HAPSTR1: variants seen among roughly 807,000 people sequenced by gnomAD.
HAPSTR1 encodes HUWE1 associated protein modifying stress responses.
chr16:9,092,015 T>TGGC, the HAPSTR1 span: 1 of 1,475,162 alleles, frequency 6.8e-7, no homozygotes, highest in Non-Finnish European at 9.0e-7. Context: ...GCGGCGGCGG[T>TGGC]GGCGGCGAGG....
the HAPSTR1 span, chr16:9,092,107 C>G: frequency 6.5e-7 from 1 of 1,548,968 alleles, no homozygotes; most frequent in Non-Finnish European, 8.7e-7. Context: ...AGCACTGGTT[C>G]TCCAAGTGGG....
the HAPSTR1 span, chr16:9,091,968 C>G: frequency 1.6e-6 from 2 of 1,244,314 alleles, no homozygotes; most frequent in Non-Finnish European, 2.1e-6. Context: ...GGCCGCTTGA[C>G]GACGACGCTC....
chr16:9,093,072 C>A, the HAPSTR1 span: 19 of 1,433,196 alleles, frequency 1.3e-5, no homozygotes, highest in East Asian at 4.0e-4. Flanking sequence ...CCCTGCGTTC[C>A]AAGTGTGTTT....
chr16:9,117,397 T>G, the HAPSTR1 span: 1 of 157,812 alleles, frequency 6.3e-6, no homozygotes. Context: ...CTGGTTTCTA[T>G]ATAGTAACAG....
At chr16:9,112,035 C>T in the HAPSTR1 span, 1 of 152,044 alleles carries the variant, frequency 6.6e-6, no homozygotes, top group Non-Finnish European at 1.5e-5. Context: ...TGGTGTGACA[C>T]ATGTATCTTT....
the HAPSTR1 span, chr16:9,106,358 C>G: frequency 2.6e-5 from 3 of 116,670 alleles, no homozygotes; most frequent in East Asian, 2.4e-4. Flanking sequence ...GTGCTCACTG[C>G]GACTTCCGCC....
the HAPSTR1 span, chr16:9,106,535 CTGCT>C: frequency 8.6e-5 from 13 of 151,952 alleles, no homozygotes; most frequent in African/African-American, 2.9e-4. Flanking sequence ...CTTAGCCTCA[CTGCT>C]TGCCCCTAAG....
At chr16:9,109,502 G>T in the HAPSTR1 span, 1 of 152,188 alleles carries the variant, frequency 6.6e-6, no homozygotes, top group Non-Finnish European at 1.5e-5. Context: ...TTCCCAAACT[G>T]ATTTTGATGA....
At chr16:9,092,178 A>C in the HAPSTR1 span, 8 of 1,577,142 alleles carry the variant, frequency 5.1e-6, no homozygotes, top group Middle Eastern at 1.7e-4. Flanking sequence ...CTGCAGGAGG[A>C]GGCGGCGGCC....
chr16:9,097,826 G>A, the HAPSTR1 span, among the ~76,000 whole-genome samples: 1 of 152,202 alleles, frequency 6.6e-6, no homozygotes, highest in Admixed American at 6.5e-5. Flanking sequence ...TCATCTCTTG[G>A]CCATAACGGG....
the HAPSTR1 span, chr16:9,091,895 G>C: frequency 1.8e-6 from 1 of 541,932 alleles, no homozygotes; most frequent in African/African-American, 2.0e-5. Flanking sequence ...CCGGCCGTCG[G>C]GGTGCAGGAG....
chr16:9,116,602 T>G, the HAPSTR1 span: 2 of 1,561,600 alleles, frequency 1.3e-6, no homozygotes, highest in Non-Finnish European at 1.7e-6. Flanking sequence ...ACATGGAAAG[T>G]AAGTGGGTTG....
At chr16:9,113,827 A>G in the HAPSTR1 span, among the ~76,000 whole-genome samples, 1 of 152,216 alleles carries the variant, frequency 6.6e-6, no homozygotes, top group African/African-American at 2.4e-5. Context: ...AAAAAAGCCA[A>G]CAATGGGGAT....
At chr16:9,115,078 G>C in the HAPSTR1 span, among the ~76,000 whole-genome samples, 4 of 152,088 alleles carry the variant, frequency 2.6e-5, no homozygotes, top group African/African-American at 9.7e-5. Flanking sequence ...CCTAGAGTGC[G>C]GAGTTGAGCA....
At chr16:9,093,618 A>G in the HAPSTR1 span, among the ~76,000 whole-genome samples, 24,173 of 152,208 alleles carry the variant, frequency 0.16, 2,106 homozygotes, top group Non-Finnish European at 0.19. Flanking sequence ...GTTTTCTGTT[A>G]AAAGGATCCT....
the HAPSTR1 span, among the ~76,000 whole-genome samples, chr16:9,097,042 C>T: frequency 6.6e-6 from 1 of 151,970 alleles, no homozygotes; most frequent in African/African-American, 2.4e-5. Context: ...CTGGTTCAAG[C>T]GATTCTCCTG....
the HAPSTR1 span, chr16:9,117,717 C>T: frequency 6.6e-6 from 1 of 152,410 alleles, no homozygotes; most frequent in African/African-American, 2.4e-5. Flanking sequence ...TCGAGGTGAC[C>T]TAAAGTAGAG....
the HAPSTR1 span, among the ~76,000 whole-genome samples, chr16:9,095,019 C>T: frequency 6.6e-6 from 1 of 152,152 alleles, no homozygotes; most frequent in South Asian, 2.1e-4. Context: ...TGTTTGTTTT[C>T]CTGCTCAGAA....
the HAPSTR1 span, chr16:9,118,852 CCCCT>C: frequency 6.5e-6 from 1 of 152,710 alleles, no homozygotes; most frequent in South Asian, 2.1e-4. Context: ...ATATTTAATT[CCCCT>C]TTATGCCTTG....
Sources: gnomAD v4.1 joint callset for allele counts (sites outside exome capture counted in the v4.1 genomes callset) on GRCh38, gnomAD v4.1.1 for gene constraint, MANE v1.5 for transcripts, NCBI Gene and HGNC (gene_info 2026-07-23, HGNC 2026-07-21) for gene names.